CABIN1: variants seen among roughly 807,000 people sequenced by gnomAD.
The protein encoded by CABIN1 is calcineurin-binding protein cabin-1.
Under a neutral mutation model 227.7 loss-of-function variants are expected in CABIN1, and 133 were observed. The observed-to-expected ratio is 0.58, with a 90% CI of 0.51 to 0.67. The LOEUF (loss-of-function observed/expected upper bound fraction) is 0.67, where lower values mean the gene tolerates loss of function less well. Ranked by LOEUF, CABIN1 falls within the 30% of genes least tolerant of loss-of-function variation. The pLI, the probability that CABIN1 is intolerant of heterozygous loss-of-function variation, is 0.00. For synonymous variants in CABIN1, 1,086 were observed against 1,155.1 expected, an observed-to-expected ratio of 0.94 and a Z score of 1.21; for missense variants, 2,408 against 2,852.5, an observed-to-expected ratio of 0.84 and a Z score of 3.55.
chr22:24,084,749 CAA>C lies in CABIN1; in HGVS notation c.3083_3084del (p.Lys1028SerfsTer6). 6.2e-7 allele frequency: 1 copy of C among 1,614,244 alleles called. No homozygotes were observed. The highest frequency in any genetic ancestry group is 8.5e-7 in the Non-Finnish European group (1 of 1,180,036). On this transcript the variant is annotated frameshift_variant, in exon 21 of 37. Transcript: ENST00000263119. LOFTEE classifies it high-confidence loss of function. ...RTERPALSLD[K>X]VSAYIEGTST... ...CAGAGAGGCCAGCCCTTAGCCTGGA[CAA>C]AGTCTCTGCCTACATTGAGGGAACT...
chr22:24,012,875 C>G (rs1203827332), intron 1 of CABIN1, among the ~76,000 whole-genome samples: 2 of 151,958 alleles, frequency 1.3e-5, no homozygotes, highest in Non-Finnish European at 2.9e-5. Flanking sequence ...GTTCTCCTGT[C>G]TCGGCCTCCC....
In CABIN1 at chr22:24,176,099, A is replaced by C; in HGVS notation, c.6041-12A>C. On this transcript the variant is annotated splice_polypyrimidine_tract_variant and intron_variant, in intron 34 of 36. Transcript: ENST00000263119. The stretch of plus-strand genomic sequence containing the variant: ...TGAGTCTATTACCTGCAGTGAGCCC[A>C]TGTCCCCACAGAGGGAGAAGAGCTG... The C allele has an allele frequency of 6.2e-7, 1 of 1,608,802 alleles. No homozygotes were observed. The highest frequency in any genetic ancestry group is 8.5e-7 in the Non-Finnish European group (1 of 1,178,206).
At chr22:24,034,379 T>C (rs1018407700) in intron 1 of CABIN1, among the ~76,000 whole-genome samples, 2 of 152,250 alleles carry the variant, frequency 1.3e-5, no homozygotes, top group Non-Finnish European at 2.9e-5. Flanking sequence ...TATGACTTCT[T>C]TCATTTAGCA....
chr22:24,104,933 C>T (rs2042426791), intron 26 of CABIN1, among the ~76,000 whole-genome samples: 1 of 152,188 alleles, frequency 6.6e-6, no homozygotes, highest in African/African-American at 2.4e-5. Context: ...GCTTTCACTG[C>T]CCCAGGCTGA....
intron 29 of CABIN1, among the ~76,000 whole-genome samples, chr22:24,137,681 T>C (rs1187143805): frequency 6.6e-6 from 1 of 152,284 alleles, no homozygotes; most frequent in Admixed American, 6.5e-5. Flanking sequence ...AGGTTTGGGC[T>C]ACTTGTGCTC....
chr22:24,031,297 G>A (rs2036476705), intron 1 of CABIN1, among the ~76,000 whole-genome samples: 1 of 152,186 alleles, frequency 6.6e-6, no homozygotes, highest in Non-Finnish European at 1.5e-5. Context: ...CAGGAGAAAA[G>A]TCAGTGTGGG....
chr22:24,113,817 G>C (rs746558163), intron 27 of CABIN1, 69 bp downstream of exon 27: 1 of 1,561,336 alleles, frequency 6.4e-7, no homozygotes, highest in Admixed American at 1.7e-5. Flanking sequence ...AAAGCCGAAG[G>C]CTTCGTGGCC....
intron 26 of CABIN1, 96 bp from the exon 27 acceptor site, chr22:24,113,470 A>C: frequency 8.6e-7 from 1 of 1,166,190 alleles, no homozygotes; most frequent in Non-Finnish European, 1.3e-6. Flanking sequence ...AGCAGTCCCC[A>C]GGCCACCGGC....
At position 24,029,961 on chromosome 22, in the gene CABIN1, T is replaced by C. The variant is rs1650836238; in HGVS notation, c.-74-5483T>C. ...GCAGCCTGAGGCAAATCACCTAACG[T>C]GGCAAGCCTGAGGTACCTCCCTATA... On this transcript the variant is annotated intron_variant, in intron 1 of 36. Transcript: ENST00000263119. 2.0e-5 allele frequency among the ~76,000 whole-genome samples: 3 copies of C among 152,212 alleles called. No individual in the cohort carries two copies. In the South Asian group the frequency reaches 6.2e-4, roughly 31 times the overall value.
chr22:24,072,471 CTG>C lies in CABIN1; in HGVS notation c.2596_2597del (p.Cys866ProfsTer64). On this transcript the variant is annotated frameshift_variant, in exon 18 of 37. Transcript: ENST00000263119. LOFTEE classifies it high-confidence loss of function. ...IWQEEDTFHSLCHQQQLQNPA... is the reference protein window; with the variant it reads ...IWQEEDTFHSXCHQQQLQNPA... ...GCAGGAGGAAGACACCTTCCATTCTCTGTGCCACCAGCAGCAGCTCCAAAACC... is the reference window on the plus strand; with the variant it reads ...GCAGGAGGAAGACACCTTCCATTCTCTGCCACCAGCAGCAGCTCCAAAACC... 6.2e-7 allele frequency: 1 copy of C among 1,614,248 alleles called. No homozygotes were observed. Among genetic ancestry groups the C allele is most frequent in the Non-Finnish European group, 8.5e-7 (1 of 1,180,044 alleles).
intron 1 of CABIN1, among the ~76,000 whole-genome samples, chr22:24,015,683 A>G (rs993606017): frequency 4.6e-5 from 7 of 151,766 alleles, no homozygotes; most frequent in Non-Finnish European, 5.9e-5. Flanking sequence ...GAGGCCAGGC[A>G]TGGTGGCTCA....
intron 28 of CABIN1, among the ~76,000 whole-genome samples, chr22:24,125,551 G>A (rs1159837967): frequency 4.6e-5 from 7 of 152,214 alleles, no homozygotes; most frequent in South Asian, 2.1e-4. Context: ...GCAAGTGTTC[G>A]GGGGGAGCTG....
chr22:24,058,850 A>C (rs2038987991), intron 10 of CABIN1, among the ~76,000 whole-genome samples: 1 of 152,114 alleles, frequency 6.6e-6, no homozygotes, highest in Admixed American at 6.5e-5. Flanking sequence ...CTCTGTTGTG[A>C]GGTGGTCCTT....
intron 16 of CABIN1, 111 bp from the exon 17 acceptor site, chr22:24,070,689 C>A: frequency 6.6e-7 from 1 of 1,519,176 alleles, no homozygotes; most frequent in Non-Finnish European, 9.1e-7. Flanking sequence ...GCTCGTTCTT[C>A]CCTTTCTTTT....
chr22:24,076,335 G>A (rs774823679), intron 19 of CABIN1, 51 bp downstream of exon 19: 1 of 1,470,520 alleles, frequency 6.8e-7, no homozygotes, highest in Non-Finnish European at 9.5e-7. Context: ...CAGGGCTGGG[G>A]TGGGAGGTGG....
chr22:24,142,017 GCC>G (rs1198247037), intron 29 of CABIN1, among the ~76,000 whole-genome samples: 1 of 152,106 alleles, frequency 6.6e-6, no homozygotes, highest in African/African-American at 2.4e-5. Context: ...AGTCTCCAAA[GCC>G]CAGGGTACTG....
rs764124807 is a variant in CABIN1 at position 24,059,227 on chromosome 22, G to T, written c.1263G>T (p.Arg421Ser). 6.2e-7 allele frequency: 1 copy of T among 1,614,226 alleles called. No homozygotes were observed. The highest frequency in any genetic ancestry group is 8.5e-7 in the Non-Finnish European group (1 of 1,180,046). ...QELLMKFLPS[R>S]LRKLDPEEED... ...TGTGATTTTGGCATGTTACATGCAG[G>T]TTAAGAAAGCTGGACCCTGAGGAGG... The change falls in exon 11 of 37, where the codon AGG (arginine) becomes AGT (serine). Residue 421 changes from arginine (R) to serine (S), a missense_variant and splice_region_variant. Physicochemically the swap from Arg to Ser is moderately radical, Grantham distance 110. Around this residue, in one of 3 missense-constraint regions of CABIN1, gnomAD observed 1,045 missense variants for 1,168.4 expected, o/e 0.89. Coordinates refer to ENST00000263119, the MANE Select transcript of CABIN1 (RefSeq NM_012295.4).
Position 24,134,389 on chromosome 22 carries a change from G to T in CABIN1, c.4720G>T (p.Glu1574Ter), listed in dbSNP as rs1341556103. ...QHMPAQGLFC[E>*]RNKTNFFNGI... ...CATGCCGGCACAGGGGCTCTTCTGCGAGAGGAACAAGACCAATTTCTTCAA... is the reference window on the plus strand; with the variant it reads ...CATGCCGGCACAGGGGCTCTTCTGCTAGAGGAACAAGACCAATTTCTTCAA... The change falls in exon 29 of 37, where the codon GAG becomes TAG. Residue 1574 changes from glutamate (E) to a stop codon, truncating the protein, a stop_gained. Coordinates refer to ENST00000263119, the MANE Select transcript of CABIN1 (RefSeq NM_012295.4). LOFTEE classifies it high-confidence loss of function. 1.2e-6 allele frequency: 2 copies of T among 1,613,946 alleles called. No individual in the cohort carries two copies. Among genetic ancestry groups the T allele is most frequent in the Non-Finnish European group, 1.7e-6 (2 of 1,179,940 alleles).
At chr22:24,176,447 A>G (rs1445953958) in intron 35 of CABIN1, among the ~76,000 whole-genome samples, 172 bp downstream of exon 35, 1 of 152,100 alleles carries the variant, frequency 6.6e-6, no homozygotes, top group Non-Finnish European at 1.5e-5. Context: ...GCCAAGGGAG[A>G]GGCCCAGGCT....
Sources: gnomAD v4.1 joint callset for allele counts (sites outside exome capture counted in the v4.1 genomes callset) on GRCh38, gnomAD v4.1.1 for gene constraint, gnomAD v4.1.1 regional missense constraint, MANE v1.5 for transcripts, NCBI Gene and HGNC (gene_info 2026-07-23, HGNC 2026-07-21) for gene names.